PARD3: variants seen among roughly 807,000 people sequenced by gnomAD.
PARD3 encodes partitioning defective 3 homolog.
Under a neutral mutation model 155.4 loss-of-function variants are expected in PARD3, and 75 were observed. The observed-to-expected ratio is 0.48, with a 90% CI of 0.40 to 0.58. PARD3 has a LOEUF of 0.58. Ranked by LOEUF, PARD3 falls within the 20% of genes least tolerant of loss-of-function variation. The pLI is 0.00. For missense variants in PARD3, 1,642 were observed against 1,721.7 expected, an observed-to-expected ratio of 0.95 and a Z score of 0.82; for synonymous variants, 576 against 610.5, an observed-to-expected ratio of 0.94 and a Z score of 0.83.
rs1475126259 is a variant in PARD3, at chr10:34,657,222, C to T, written c.222+39096G>A. Among the ~76,000 whole-genome samples the T allele has an allele frequency of 4.0e-5, 6 of 151,624 alleles. No homozygotes were observed. The East Asian group carries it at 1.2e-3, about 29-fold the overall frequency. ...TCAGCCTGGGCAACAGAGGAGATCCCACCTCTACCAAAAAAAAAAAAGTCA... is the reference window on the plus strand; with the variant it reads ...TCAGCCTGGGCAACAGAGGAGATCCTACCTCTACCAAAAAAAAAAAAGTCA... On this transcript the variant is annotated intron_variant, in intron 2 of 24. Coordinates refer to ENST00000374788, the MANE Select transcript of PARD3 (RefSeq NM_001184785.2).
chr10:34,741,646 G>C (rs79084902), intron 1 of PARD3, among the ~76,000 whole-genome samples: 5,585 of 152,240 alleles, frequency 0.037, 365 homozygotes, highest in African/African-American at 0.13. Flanking sequence ...AGAATGCCCT[G>C]CTGTCAGCAC....
At chr10:34,361,151 C>T (rs1839397457) in intron 12 of PARD3, among the ~76,000 whole-genome samples, 1 of 152,208 alleles carries the variant, frequency 6.6e-6, no homozygotes. Flanking sequence ...AAGATTTCCA[C>T]CATCTCTATA....
At chr10:34,442,525 G>A (rs894907515) in intron 5 of PARD3, among the ~76,000 whole-genome samples, 6 of 152,162 alleles carry the variant, frequency 3.9e-5, no homozygotes, top group Non-Finnish European at 5.9e-5. Context: ...CTACGCATTC[G>A]AGGCCAACCT....
intron 20 of PARD3, among the ~76,000 whole-genome samples, chr10:34,295,752 T>C (rs2582859): frequency 0.98 from 149,367 of 152,306 alleles, 73,260 homozygotes; most frequent in East Asian, 1. Context: ...CAAATCTCAG[T>C]GGGTAGAAAT....
At chr10:34,353,247 A>G (rs1838379138) in intron 14 of PARD3, among the ~76,000 whole-genome samples, 1 of 152,230 alleles carries the variant, frequency 6.6e-6, no homozygotes, top group Non-Finnish European at 1.5e-5. Context: ...ACGGGCCATG[A>G]TGACGATAGC....
intron 1 of PARD3, among the ~76,000 whole-genome samples, chr10:34,798,442 C>G (rs1842517009): frequency 6.6e-6 from 1 of 151,710 alleles, no homozygotes; most frequent in African/African-American, 2.4e-5. Flanking sequence ...CAGTGGCTCA[C>G]AACTGTAATT....
chr10:34,363,075 G>A (rs1297232984), intron 12 of PARD3, among the ~76,000 whole-genome samples: 1 of 152,178 alleles, frequency 6.6e-6, no homozygotes, highest in Non-Finnish European at 1.5e-5. Context: ...ATGCTTACTT[G>A]CTTCAACTCT....
At chr10:34,626,518 G>T (rs924066137) in intron 2 of PARD3, among the ~76,000 whole-genome samples, 6 of 152,116 alleles carry the variant, frequency 3.9e-5, no homozygotes, top group African/African-American at 1.2e-4. Context: ...AATGTAATTG[G>T]ACATTATTCT....
intron 12 of PARD3, among the ~76,000 whole-genome samples, chr10:34,364,745 A>G (rs1839806057): frequency 6.6e-6 from 1 of 152,146 alleles, no homozygotes; most frequent in African/African-American, 2.4e-5. Context: ...AGTTATTAGC[A>G]AATAGCTAGT....
At chr10:34,413,084 G>A (rs1021527155) in intron 5 of PARD3, among the ~76,000 whole-genome samples, 5 of 150,768 alleles carry the variant, frequency 3.3e-5, no homozygotes, top group African/African-American at 1.2e-4. Flanking sequence ...GGTGAAGTGG[G>A]TTACTACTAA....
At chr10:34,733,121 CA>C (rs2094848570) in intron 1 of PARD3, among the ~76,000 whole-genome samples, 1 of 152,162 alleles carries the variant, frequency 6.6e-6, no homozygotes. Context: ...CAATGGAAAA[CA>C]TAAAAGTCTC....
At chr10:34,376,713 C>T (rs750637769) in intron 10 of PARD3, among the ~76,000 whole-genome samples, 15 of 152,206 alleles carry the variant, frequency 9.9e-5, no homozygotes, top group South Asian at 4.2e-4. Context: ...AAAATACAGA[C>T]GGTATCCCTC....
intron 22 of PARD3, among the ~76,000 whole-genome samples, chr10:34,176,474 T>C (rs1465805214): frequency 3.3e-5 from 5 of 152,240 alleles, no homozygotes; most frequent in Non-Finnish European, 5.9e-5. Flanking sequence ...AATTAGCTGA[T>C]GGTGGAAGTA....
intron 2 of PARD3, among the ~76,000 whole-genome samples, chr10:34,684,423 C>T (rs544860590): frequency 5.3e-5 from 8 of 152,214 alleles, no homozygotes; most frequent in African/African-American, 1.4e-4. Context: ...ATCCAGCTGC[C>T]GAACTAACAG....
At chr10:34,355,924 C>CAAAAAAAAAAAAAAAAAAAAAAA (rs869284165) in intron 14 of PARD3, among the ~76,000 whole-genome samples, 4 of 42,728 alleles carry the variant, frequency 9.4e-5, no homozygotes, top group Non-Finnish European at 8.7e-5. Flanking sequence ...CACTCCGTCT[C>CAAAAAAAAAAAAAAAAAAAAAAA]AAAAAAAAAA....
intron 2 of PARD3, among the ~76,000 whole-genome samples, chr10:34,640,979 T>C (rs562745766): frequency 6.6e-6 from 1 of 152,222 alleles, no homozygotes; most frequent in South Asian, 2.1e-4. Flanking sequence ...CATCAAGAAA[T>C]AAATCCAAAT....
At chr10:34,659,005 T>C (rs1700588014) in intron 2 of PARD3, among the ~76,000 whole-genome samples, 1 of 152,240 alleles carries the variant, frequency 6.6e-6, no homozygotes, top group Non-Finnish European at 1.5e-5. Flanking sequence ...TTCTACAATT[T>C]CACTGCTTAG....
intron 22 of PARD3, among the ~76,000 whole-genome samples, chr10:34,169,028 A>G (rs1464514171): frequency 6.6e-6 from 1 of 152,228 alleles, no homozygotes; most frequent in Non-Finnish European, 1.5e-5. Flanking sequence ...TTGCTTTTGC[A>G]CATTAGATTT....
At chr10:34,389,668 G>A (rs377122325) in intron 7 of PARD3, among the ~76,000 whole-genome samples, 118 of 152,268 alleles carry the variant, frequency 7.7e-4, no homozygotes, top group African/African-American at 2.7e-3. Flanking sequence ...GAATATGAGT[G>A]GGCAGAATAG....
Sources: allele counts gnomAD v4.1 joint callset (sites outside exome capture counted in the v4.1 genomes callset), GRCh38; gene constraint gnomAD v4.1.1; transcripts MANE v1.5; gene names NCBI Gene and HGNC (gene_info 2026-07-23, HGNC 2026-07-21).